The following CAMTA1 variants were observed in gnomAD, a reference collection of about 807,000 sequenced individuals.
CAMTA1 encodes the protein calmodulin binding transcription activator 1.
Under a neutral mutation model 170.9 loss-of-function variants are expected in CAMTA1, and 27 were observed. The ratio of observed to expected loss-of-function variants is 0.16; its 90% CI spans 0.12 to 0.22. The LOEUF is 0.22. Ranked by LOEUF, CAMTA1 falls within the 10% of genes least tolerant of loss-of-function variation. The pLI is 1.00. For synonymous variants in CAMTA1, 833 were observed against 891.5 expected (o/e 0.93, Z 1.17); for missense variants, 1,619 against 2,217.2 (o/e 0.73, Z 5.42).
At chr1:7,004,419 C>T (rs191574865) in intron 3 of CAMTA1, among the ~76,000 whole-genome samples, 6 of 152,270 alleles carry the variant, frequency 3.9e-5, no homozygotes, top group African/African-American at 1.4e-4. Flanking sequence ...TGAGCTGGGG[C>T]TTGGCCAATC....
rs1040569050 is a variant in CAMTA1 at position 7,456,907 on chromosome 1, T to C, written c.439-10923T>C. Among the ~76,000 whole-genome samples, 5 of 152,108 alleles carry C rather than the reference T, an allele frequency of 3.3e-5. No individual in the cohort carries two copies. The highest frequency in any genetic ancestry group is 1.2e-4 in the African/African-American group (5 of 41,410). ...CGCTAGAGCTGACGAGAACAGCCCATGTGGAGCGTGCAGCAAGGCCCAGAT... is the reference window on the plus strand; with the variant it reads ...CGCTAGAGCTGACGAGAACAGCCCACGTGGAGCGTGCAGCAAGGCCCAGAT... On this transcript the variant is annotated intron_variant, in intron 5 of 22. Coordinates refer to ENST00000303635, the MANE Select transcript of CAMTA1 (RefSeq NM_015215.4). This position sits in a 1 kb window ranked among gnomAD's most constrained non-coding sequence, Gnocchi z 4.9.
chr1:7,654,029 G>A (rs971699681), intron 7 of CAMTA1, among the ~76,000 whole-genome samples: 123 of 152,282 alleles, frequency 8.1e-4, no homozygotes, highest in African/African-American at 2.7e-3. Flanking sequence ...GAGGGCCTGA[G>A]AATGAGCCAG....
intron 5 of CAMTA1, among the ~76,000 whole-genome samples, chr1:7,285,007 T>A (rs1275358702): frequency 1.3e-5 from 2 of 152,188 alleles, no homozygotes; most frequent in African/African-American, 4.8e-5. Context: ...AACCCATTGG[T>A]TTCCAAGACC....
intron 5 of CAMTA1, among the ~76,000 whole-genome samples, chr1:7,418,268 T>C (rs1274196890): frequency 6.6e-6 from 1 of 152,220 alleles, no homozygotes; most frequent in Non-Finnish European, 1.5e-5. Flanking sequence ...CAATCTCGGC[T>C]CACTGCAACC....
intron 3 of CAMTA1, among the ~76,000 whole-genome samples, chr1:6,974,529 T>C (rs1221351864): frequency 6.6e-6 from 1 of 152,028 alleles, no homozygotes; most frequent in Non-Finnish European, 1.5e-5. Context: ...TGTCCCAGAG[T>C]TGGGAGTGAG....
At chr1:6,990,287 T>A (rs1336327574) in intron 3 of CAMTA1, among the ~76,000 whole-genome samples, 1 of 152,140 alleles carries the variant, frequency 6.6e-6, no homozygotes, top group East Asian at 1.9e-4. Flanking sequence ...TGTCTCACAA[T>A]TTTTTTTCTT....
chr1:7,703,787 C>T (rs1484843741), intron 11 of CAMTA1, among the ~76,000 whole-genome samples: 1 of 152,172 alleles, frequency 6.6e-6, no homozygotes, highest in African/African-American at 2.4e-5. Context: ...GGACTGCAAA[C>T]AGCACAGGGA....
chr1:7,576,148 A>T (rs567015265), intron 6 of CAMTA1, among the ~76,000 whole-genome samples: 27 of 152,238 alleles, frequency 1.8e-4, no homozygotes, highest in Admixed American at 1.8e-3. Flanking sequence ...AGCTGGGATT[A>T]CAGGTGCCCA....
chr1:7,577,639 C>T (rs1240785555), intron 6 of CAMTA1, among the ~76,000 whole-genome samples: 1 of 152,012 alleles, frequency 6.6e-6, no homozygotes, highest in African/African-American at 2.4e-5. Flanking sequence ...ATGTTCTTCA[C>T]ACTCACACCG....
At chr1:7,637,049 G>A (rs1335898276) in intron 6 of CAMTA1, among the ~76,000 whole-genome samples, 2 of 152,248 alleles carry the variant, frequency 1.3e-5, no homozygotes, top group Admixed American at 6.5e-5. Flanking sequence ...GGCTGGTTAT[G>A]CAGATGGAGG....
chr1:7,766,418 A>G (rs1391700232), intron 22 of CAMTA1, 41 bp from the exon 23 acceptor site: 15 of 1,607,628 alleles, frequency 9.3e-6, no homozygotes, highest in African/African-American at 1.3e-5. Flanking sequence ...ACAATTCACT[A>G]TAGAGTTATC....
At chr1:7,706,541 A>G (rs1156285179) in intron 11 of CAMTA1, among the ~76,000 whole-genome samples, 1 of 152,258 alleles carries the variant, frequency 6.6e-6, no homozygotes, top group Non-Finnish European at 1.5e-5. Flanking sequence ...GTGTTTAGAA[A>G]AAAAATAGTT....
chr1:7,708,945 A>G (rs955478247), intron 11 of CAMTA1, among the ~76,000 whole-genome samples: 9 of 152,062 alleles, frequency 5.9e-5, no homozygotes, highest in South Asian at 2.1e-4. Flanking sequence ...CATTCTCTCC[A>G]TTTTTTCAGC....
chr1:7,662,557 A>G (rs2095969454), intron 8 of CAMTA1, among the ~76,000 whole-genome samples: 1 of 152,130 alleles, frequency 6.6e-6, no homozygotes, highest in South Asian at 2.1e-4. Context: ...AATGGTGAAA[A>G]TATCCAATGG....
chr1:7,478,650 T>A (rs1420850779), intron 6 of CAMTA1, among the ~76,000 whole-genome samples: 2 of 152,234 alleles, frequency 1.3e-5, no homozygotes, highest in Non-Finnish European at 2.9e-5. Flanking sequence ...TGCTGTCAGC[T>A]TGGCTAAACA....
intron 3 of CAMTA1, among the ~76,000 whole-genome samples, chr1:7,023,776 C>T (rs940249943): frequency 6.6e-6 from 1 of 152,086 alleles, no homozygotes; most frequent in Non-Finnish European, 1.5e-5. Context: ...GCCTGTAATC[C>T]TAGCACTTTG....
At chr1:7,319,214 G>A (rs1390168798) in intron 5 of CAMTA1, among the ~76,000 whole-genome samples, 3 of 152,120 alleles carry the variant, frequency 2.0e-5, no homozygotes, top group Non-Finnish European at 4.4e-5. Flanking sequence ...TCTGAAGGAA[G>A]GTTGAGGGTG....
intron 5 of CAMTA1, among the ~76,000 whole-genome samples, chr1:7,427,430 T>C (rs527496914): frequency 6.6e-6 from 1 of 152,162 alleles, no homozygotes; most frequent in Non-Finnish European, 1.5e-5. Flanking sequence ...ACACCACTGA[T>C]TGTCACTCCT....
intron 6 of CAMTA1, among the ~76,000 whole-genome samples, chr1:7,608,331 T>A (rs1028892722): frequency 1.3e-5 from 2 of 152,156 alleles, no homozygotes; most frequent in African/African-American, 4.8e-5. Context: ...AGGAAGCCCC[T>A]ACAGAGACAA....
Sources: gnomAD v4.1 joint callset for allele counts (sites outside exome capture counted in the v4.1 genomes callset) on GRCh38, gnomAD v4.1.1 for gene constraint, Gnocchi (gnomAD v3.1) non-coding constraint, MANE v1.5 for transcripts, NCBI Gene and HGNC (gene_info 2026-07-23, HGNC 2026-07-21) for gene names.